TRMT44: variants seen among roughly 807,000 people sequenced by gnomAD.
TRMT44 encodes probable tRNA (uracil-O(2)-)-methyltransferase.
TRMT44 carries 78 observed loss-of-function variants against 77.3 expected under a neutral mutation model. That is an observed-to-expected ratio of 1.01 (90% confidence interval 0.84 to 1.22). TRMT44 has a LOEUF of 1.22. Ranked by LOEUF, TRMT44 falls within the 50% of genes most tolerant of loss-of-function variation. The probability of loss-of-function intolerance (pLI) is 0.00; values close to 1 mark genes in which losing one functional copy is unlikely to be tolerated. For missense variants in TRMT44, 1,090 were observed against 964.4 expected, an observed-to-expected ratio of 1.13 and a Z score of -1.73; for synonymous variants, 391 against 383.3, an observed-to-expected ratio of 1.02 and a Z score of -0.23.
chr4:8,472,729 G>A (rs973869734), intron 10 of TRMT44, among the ~76,000 whole-genome samples: 2 of 152,204 alleles, frequency 1.3e-5, no homozygotes, highest in East Asian at 1.9e-4. Context: ...GCGCAGAAGC[G>A]TGTCCCTGAG....
intron 6 of TRMT44, 67 bp from the exon 7 acceptor site, chr4:8,463,918 G>T: frequency 2.2e-6 from 3 of 1,365,806 alleles, no homozygotes; most frequent in Non-Finnish European, 3.1e-6. Context: ...CTCCCGCCAT[G>T]TCCTGCCCAC....
At chr4:8,504,917 C>G in the TRMT44 span, among the ~76,000 whole-genome samples, 2 of 152,158 alleles carry the variant, frequency 1.3e-5, no homozygotes, top group Non-Finnish European at 1.5e-5. This position sits in a 1 kb window ranked among gnomAD's most constrained non-coding sequence, Gnocchi z 5.3. Context: ...CTGTATCTAC[C>G]ACTTCCCCCA....
At chr4:8,454,701 TAC>T (rs768798342) in intron 5 of TRMT44, 39 bp from the exon 6 acceptor site, 3 of 1,582,522 alleles carry the variant, frequency 1.9e-6, no homozygotes, top group Non-Finnish European at 2.6e-6. Flanking sequence ...TATTATGAAG[TAC>T]TAAGGTTAAC....
chr4:8,500,732 A>T, the TRMT44 span, among the ~76,000 whole-genome samples: 10 of 150,436 alleles, frequency 6.6e-5, no homozygotes, highest in Non-Finnish European at 1.3e-4. Context: ...ACCTTGATTC[A>T]CTACAACTTC....
intron 5 of TRMT44, 36 bp downstream of exon 5, chr4:8,453,025 GT>G: frequency 7.6e-7 from 1 of 1,321,738 alleles, no homozygotes; most frequent in Non-Finnish European, 1.0e-6. Flanking sequence ...CTGGTAACTT[GT>G]CCAGAGTTTC....
At chr4:8,456,844 C>G (rs1725839178) in intron 6 of TRMT44, among the ~76,000 whole-genome samples, 1 of 152,088 alleles carries the variant, frequency 6.6e-6, no homozygotes, top group Non-Finnish European at 1.5e-5. Context: ...GGAGGAGTAG[C>G]TTTAGCTGAC....
rs1358972434 is a variant in TRMT44 at position 8,449,792 on chromosome 4, G to T, written c.858G>T (p.Lys286Asn). The change falls in exon 3 of 11, where the codon AAG becomes AAT. Residue 286 changes from lysine (K) to asparagine (N), a missense_variant. Physicochemically the swap from Lys to Asn is moderately conservative, Grantham distance 94 (BLOSUM62 0). Transcript: ENST00000389737. Reference protein sequence around the residue: ...AKLAKWSVENKKSDFKSTLSL... With the variant: ...AKLAKWSVENNKSDFKSTLSL... ...TGGCCAAGTGGTCTGTAGAGAACAA[G>T]AAGAGTGACTTTAAAAGCACCCTTT... The T allele has an allele frequency of 6.5e-7, 1 of 1,535,896 alleles. No homozygotes were observed. The highest frequency in any genetic ancestry group is 1.4e-5 in the African/African-American group (1 of 73,000).
At chr4:8,445,048 AC>A (rs1724976806) in intron 1 of TRMT44, among the ~76,000 whole-genome samples, 1 of 152,242 alleles carries the variant, frequency 6.6e-6, no homozygotes, top group Admixed American at 6.5e-5. Context: ...ACAACTCCCA[AC>A]AATAAGGAGT....
chr4:8,463,862 G>A (rs111956542), intron 6 of TRMT44, 123 bp from the exon 7 acceptor site: 13 of 752,284 alleles, frequency 1.7e-5, no homozygotes, highest in African/African-American at 1.1e-4. Context: ...TGGTCATGCA[G>A]CAGGTGAACT....
chr4:8,487,775 A>T (rs1453631444), intron 2 of TRMT44, among the ~76,000 whole-genome samples: 1 of 152,112 alleles, frequency 6.6e-6, no homozygotes, highest in African/African-American at 2.4e-5. Flanking sequence ...GGGTTGGGGT[A>T]CTTACCCCTC....
intron 2 of TRMT44, among the ~76,000 whole-genome samples, chr4:8,489,758 G>A (rs548685394): frequency 3.9e-4 from 60 of 152,262 alleles, no homozygotes; most frequent in Non-Finnish European, 7.1e-4. Flanking sequence ...AATTACATGC[G>A]TGAGCCACCA....
chr4:8,512,919 C>T, the TRMT44 span, among the ~76,000 whole-genome samples: 5 of 152,036 alleles, frequency 3.3e-5, no homozygotes, highest in African/African-American at 1.2e-4. Flanking sequence ...TGTAAATAAA[C>T]GTATTTTATT....
In TRMT44 at chr4:8,454,792, T is replaced by G; in HGVS notation, c.1182T>G (p.Tyr394Ter). The G allele has an allele frequency of 6.2e-7, 1 of 1,614,250 alleles. No homozygotes were observed. ...DVRRRKIWDM[Y>*]GPQTQLEEDA... ...GAAGAAGAAAAATCTGGGACATGTA[T>G]GGACCACAAACTCAGTTAGAGGTAC... is the stretch of plus-strand genomic sequence containing the variant. Residue 394 changes from tyrosine to a stop codon, truncating the protein, a stop_gained, in exon 6 of 11, where the codon TAT becomes TAG. Coordinates refer to ENST00000389737, the MANE Select transcript of TRMT44 (RefSeq NM_152544.3). LOFTEE classifies it high-confidence loss of function.
intron 3 of TRMT44, 113 bp downstream of exon 3, chr4:8,450,001 C>CAAA: frequency 2.1e-4 from 127 of 598,558 alleles, no homozygotes; most frequent in South Asian, 1.1e-3. Context: ...GTCACCCCCC[C>CAAA]AAAAAAAAGG....
At chr4:8,500,350 G>A in the TRMT44 span, among the ~76,000 whole-genome samples, 2 of 152,038 alleles carry the variant, frequency 1.3e-5, no homozygotes, top group African/African-American at 4.8e-5. Flanking sequence ...AAATTAGCTG[G>A]GCTTAGTGAC....
chr4:8,493,627 G>A (rs1490948869), downstream of TRMT44: 1 of 152,192 alleles, frequency 6.6e-6, no homozygotes, highest in Non-Finnish European at 1.5e-5. Flanking sequence ...AGTGCTGAGA[G>A]GCATTCACTC....
intron 9 of TRMT44, chr4:8,470,861 G>T: frequency 2.1e-6 from 1 of 471,046 alleles, no homozygotes; most frequent in Non-Finnish European, 3.8e-6. Flanking sequence ...CATGTGTGGG[G>T]CTGCGTCTTG....
intron 2 of TRMT44, among the ~76,000 whole-genome samples, chr4:8,491,398 G>A (rs1000226358): frequency 1.3e-5 from 2 of 152,230 alleles, no homozygotes; most frequent in East Asian, 1.9e-4. Context: ...CCAGTGCCAC[G>A]CTGTGCGCTC....
chr4:8,453,505 T>A (rs1487818534), intron 5 of TRMT44: 1 of 152,912 alleles, frequency 6.5e-6, no homozygotes, highest in Non-Finnish European at 1.5e-5. Context: ...GAAGCTTCAG[T>A]TCTGGCTCGG....
Sources: allele counts gnomAD v4.1 joint callset (sites outside exome capture counted in the v4.1 genomes callset), GRCh38; gene constraint gnomAD v4.1.1; non-coding constraint Gnocchi (gnomAD v3.1); transcripts MANE v1.5; gene names NCBI Gene and HGNC (gene_info 2026-07-23, HGNC 2026-07-21).